Variants in DBX1 observed in about 807,000 individuals in gnomAD.
DBX1 encodes homeobox protein DBX1.
In DBX1, 10 loss-of-function variants were observed where a neutral mutation model predicts 20.8. The observed-to-expected ratio is 0.48, with a 90% confidence interval of 0.30 to 0.82. DBX1 has a LOEUF of 0.82. Among genes scored for constraint, DBX1 ranks in the 40% least tolerant of loss-of-function variants. The pLI is 0.07. For synonymous variants in DBX1, 241 were observed against 213.9 expected (o/e 1.13, Z -1.11); for missense variants, 505 against 468.8 (o/e 1.08, Z -0.71).
At chr11:20,158,774 G>C (rs998009000) in intron 2 of DBX1, among the ~76,000 whole-genome samples, 2 of 152,080 alleles carry the variant, frequency 1.3e-5, no homozygotes, top group African/African-American at 2.4e-5. Flanking sequence ...TCTCGGCGGC[G>C]TGGAGGGACT....
rs749372222 is a variant in DBX1 at position 20,160,294 on chromosome 11, C to G, written c.31G>C (p.Ala11Pro). Residue 11 changes from alanine (A) to proline (P), a missense_variant, in exon 1 of 4, where the codon GCC becomes CCC. Transcript: ENST00000524983. MMFPGLLAPP[A>P]GYPSLLRPTP... Reference sequence around the variant, plus strand: ...GGCCGCAGGAGGCTAGGGTACCCGGCGGGGGGCGCGAGGAGGCCGGGGAAC... The same window carrying G: ...GGCCGCAGGAGGCTAGGGTACCCGGGGGGGGGCGCGAGGAGGCCGGGGAAC... 1 of 1,527,094 alleles carries G rather than the reference C, an allele frequency of 6.5e-7. No homozygotes were observed. The highest frequency in any genetic ancestry group is 8.8e-7 in the Non-Finnish European group (1 of 1,138,938). The allele number at this position is 1,527,094 out of a possible 1,614,324, so 94.6% of individuals were successfully genotyped here.
chr11:20,160,131 G>A lies in DBX1; in HGVS notation c.194C>T (p.Pro65Leu). ...PRSVPTASMSPPRQGAPTALT... is the reference protein window; with the variant it reads ...PRSVPTASMSLPRQGAPTALT... ...GGCCGTGGGGGCCCCCTGCCTGGGC[G>A]GCGACATGCTGGCGGTGGGCACGCT... is the stretch of plus-strand genomic sequence containing the variant. Residue 65 changes from proline to leucine, a missense_variant, in exon 1 of 4, where the codon CCG becomes CTG. Transcript: ENST00000524983. The A allele has an allele frequency of 6.5e-7, 1 of 1,548,714 alleles. No individual in the cohort carries two copies. Among genetic ancestry groups the A allele is most frequent in the Non-Finnish European group, 8.7e-7 (1 of 1,145,608 alleles).
At chr11:20,159,898 A>T in intron 1 of DBX1, 60 bp downstream of exon 1, 1 of 1,612,074 alleles carries the variant, frequency 6.2e-7, no homozygotes, top group Non-Finnish European at 8.5e-7. Flanking sequence ...AACTGAGGCC[A>T]GGATGACTCC....
rs766737802 is a variant in DBX1 at position 20,160,232 on chromosome 11, C to A, written c.93G>T (p.Ser31=). 6.5e-7 allele frequency: 1 copy of A among 1,546,000 alleles called. No homozygotes were observed. Among genetic ancestry groups the A allele is most frequent in the Non-Finnish European group, 8.7e-7 (1 of 1,146,570 alleles). The part of the protein sequence containing the change: ...PTLTLPQSLQ[S]AFSGHSSFLV... ...GGAAGCTGGAGTGGCCGGAAAATGCCGACTGCAAGGACTGGGGCAGCGTCA... is the reference window on the plus strand; with the variant it reads ...GGAAGCTGGAGTGGCCGGAAAATGCAGACTGCAAGGACTGGGGCAGCGTCA... The change falls in exon 1 of 4, where the codon TCG becomes TCT. Residue 31 remains serine, a synonymous_variant. Transcript: ENST00000524983.
chr11:20,157,246 G>A lies in DBX1; in HGVS notation c.470-7C>T, dbSNP rs1319070661. ...GGCACCACGCTGGAGGAAGCTGCAG[G>A]GTGGGGGGAGGTGGCGAGTGAGTGG... On this transcript the variant is annotated splice_polypyrimidine_tract_variant and splice_region_variant and intron_variant, in intron 2 of 3. Transcript: ENST00000524983. 6.4e-7 allele frequency: 1 copy of A among 1,550,914 alleles called. No homozygotes were observed. The highest frequency in any genetic ancestry group is 8.7e-7 in the Non-Finnish European group (1 of 1,151,354).
Position 20,160,330 on chromosome 11 carries a change from G to A in DBX1, c.-6C>T, listed in dbSNP as rs79411094. 32,719 of 1,496,052 alleles carry A rather than the reference G, an allele frequency of 0.022. 539 individuals carry two copies. Among genetic ancestry groups the A allele is most frequent in the Admixed American group, 0.081 (3,780 of 46,918 alleles). 92.7% of individuals were successfully genotyped at this position (1,496,052 alleles called of 1,614,324 possible). ...AGGAGGCCGGGGAACATCATGGTAG[G>A]CGCGGGCGGGCGAAATAACCCTTCT... On this transcript the variant is annotated 5_prime_UTR_variant, in exon 1 of 4. Coordinates refer to ENST00000524983, the MANE Select transcript of DBX1 (RefSeq NM_001029865.4).
chr11:20,157,252 G>A lies in DBX1; in HGVS notation c.470-13C>T. On this transcript the variant is annotated splice_polypyrimidine_tract_variant and intron_variant, in intron 2 of 3. Transcript: ENST00000524983. ...ACGCTGGAGGAAGCTGCAGGGTGGG[G>A]GGAGGTGGCGAGTGAGTGGGCGTAC... The A allele has an allele frequency of 6.5e-7, 1 of 1,549,138 alleles. No individual in the cohort carries two copies. Among genetic ancestry groups the A allele is most frequent in the Non-Finnish European group, 8.7e-7 (1 of 1,150,582 alleles).
In DBX1 at chr11:20,156,197, T is replaced by A; in HGVS notation, c.*17A>T. On this transcript the variant is annotated 3_prime_UTR_variant, in exon 4 of 4. Transcript: ENST00000524983. This position sits in a 1 kb window ranked among gnomAD's most constrained non-coding sequence, Gnocchi z 4.8. ...TTCAAAGCACTTAAAAATAGTACTC[T>A]GGCGTGCGAGCGGCTTCTAGGACAC... The A allele has an allele frequency of 6.6e-7, 1 of 1,516,024 alleles. No homozygotes were observed. 93.9% of individuals were successfully genotyped at this position (1,516,024 alleles called of 1,614,324 possible).
At position 20,156,602 on chromosome 11, in the gene DBX1, G is replaced by A. The variant is rs780453104; in HGVS notation, c.673-29C>T. The A allele has an allele frequency of 1.2e-6, 2 of 1,613,876 alleles. No homozygotes were observed. The highest frequency in any genetic ancestry group is 2.2e-5 in the East Asian group (1 of 44,876). ...GAATGTCCCGGCCGGCGAGAAGAAG[G>A]GAGAAGCAGAGGTCAGATCAGGGGC... On this transcript the variant is annotated intron_variant, in intron 3 of 3. Transcript: ENST00000524983. This position sits in a 1 kb window ranked among gnomAD's most constrained non-coding sequence, Gnocchi z 4.8.
Position 20,159,252 on chromosome 11 carries a change from G to A in DBX1, c.408C>T (p.Thr136=). The change falls in exon 2 of 4, where the codon ACC becomes ACT. Residue 136 remains threonine (T), a synonymous_variant. Coordinates refer to ENST00000524983, the MANE Select transcript of DBX1 (RefSeq NM_001029865.4). ...PALLQSVPPK[T]FAFPYFEGSF... ...ACCCTTCGAAGTAGGGAAAGGCGAA[G>A]GTCTTGGGAGGGACGCTCTGGAGCA... The A allele has an allele frequency of 6.2e-7, 1 of 1,613,858 alleles. No individual in the cohort carries two copies. The highest frequency in any genetic ancestry group is 8.5e-7 in the Non-Finnish European group (1 of 1,179,934).
At chr11:20,159,770 G>C (rs542595265) in intron 1 of DBX1, among the ~76,000 whole-genome samples, 188 bp downstream of exon 1, 2 of 152,328 alleles carry the variant, frequency 1.3e-5, no homozygotes, top group East Asian at 3.9e-4. Flanking sequence ...GGCGAGCCTG[G>C]AGGCTTTTCT....
chr11:20,157,279 C>T (rs2063665024), intron 2 of DBX1, 40 bp from the exon 3 acceptor site: 1 of 1,505,788 alleles, frequency 6.6e-7, no homozygotes, highest in Non-Finnish European at 8.9e-7. Flanking sequence ...TGGGCGTACG[C>T]CCCCCAGTCC....
Position 20,156,294 on chromosome 11 carries a change from T to A in DBX1, c.952A>T (p.Ser318Cys), listed in dbSNP as rs1205351554. 5.8e-6 allele frequency: 9 copies of A among 1,543,500 alleles called. No homozygotes were observed. The highest frequency in any genetic ancestry group is 7.8e-6 in the Non-Finnish European group (9 of 1,146,694). The change falls in exon 4 of 4, where the codon AGT becomes TGT. Residue 318 changes from serine to cysteine, a missense_variant. Ser to Cys is a moderately radical substitution (Grantham distance 112). Transcript: ENST00000524983. The surrounding 1 kb of genome is among the most constrained non-coding windows in gnomAD (Gnocchi z 4.8). ...GAGAAGTCCGAAGGTTTCCCGGGAC[T>A]GCTCGAGTGCGCGGGCGAGGGGGGC... ...PLPPSPAHSS[S>C]PGKPSDFSDS...
At position 20,156,416 on chromosome 11, in the gene DBX1, T is replaced by C; in HGVS notation, c.830A>G (p.Glu277Gly). 1.2e-6 allele frequency: 2 copies of C among 1,604,236 alleles called. No individual in the cohort carries two copies. Among genetic ancestry groups the C allele is most frequent in the Non-Finnish European group, 1.7e-6 (2 of 1,175,120 alleles). The change falls in exon 4 of 4, where the codon GAG (glutamate) becomes GGG (glycine). Residue 277 changes from glutamate (E) to glycine (G), a missense_variant. Coordinates refer to ENST00000524983, the MANE Select transcript of DBX1 (RefSeq NM_001029865.4). The surrounding 1 kb of genome is among the most constrained non-coding windows in gnomAD (Gnocchi z 4.8). ...DVGQKGPGNE[E>G]EEEGPGSPSH... The stretch of plus-strand genomic sequence containing the variant: ...GGGGCTGCCCGGGCCCTCCTCCTCC[T>C]CTTCGTTCCCAGGGCCCTTCTGGCC...
rs554881006 is a variant in DBX1, at chr11:20,160,365, C to G, written c.-41G>C. On this transcript the variant is annotated 5_prime_UTR_variant, in exon 1 of 4. Coordinates refer to ENST00000524983, the MANE Select transcript of DBX1 (RefSeq NM_001029865.4). Reference sequence around the variant, plus strand: ...GCGAAATAACCCTTCTTTCAGTGGCCGGAGGGTAAACGCCTCGCTTCCCGC... The same window carrying G: ...GCGAAATAACCCTTCTTTCAGTGGCGGGAGGGTAAACGCCTCGCTTCCCGC... The G allele has an allele frequency of 1.4e-6, 2 of 1,466,716 alleles. No individual in the cohort carries two copies. The highest frequency in any genetic ancestry group is 1.4e-5 in the African/African-American group (1 of 70,694). 90.9% of individuals were successfully genotyped at this position (1,466,716 alleles called of 1,614,324 possible).
chr11:20,156,312 AG>A lies in DBX1; in HGVS notation c.933del (p.Ser312ArgfsTer?). On this transcript the variant is annotated frameshift_variant, in exon 4 of 4. Transcript: ENST00000524983. LOFTEE classifies it high-confidence loss of function. This position sits in a 1 kb window ranked among gnomAD's most constrained non-coding sequence, Gnocchi z 4.8. ...CCGGGACTGCTCGAGTGCGCGGGCG[AG>A]GGGGGCAGCGGCCCTGGCAGCCGCG... ...RDPRLPGPLP[P>X]SPAHSSSPGK... 4 of 1,564,490 alleles carry A rather than the reference AG, an allele frequency of 2.6e-6. No individual in the cohort carries two copies. Among genetic ancestry groups the A allele is most frequent in the Middle Eastern group, 1.7e-4 (1 of 5,754 alleles).
At position 20,157,385 on chromosome 11, in the gene DBX1, C is replaced by T. The variant is rs1231239051; in HGVS notation, c.470-146G>A. On this transcript the variant is annotated intron_variant, in intron 2 of 3. Coordinates refer to ENST00000524983, the MANE Select transcript of DBX1 (RefSeq NM_001029865.4). ...GAGAATAGGCCACGAACCTACAAAC[C>T]TGCGAGAGTGAAAGGCGCTTTCCGC... The T allele has an allele frequency of 1.5e-5, 11 of 752,748 alleles. No individual in the cohort carries two copies. The East Asian group carries it at 3.0e-4, about 21-fold the overall frequency. 46.6% of individuals were successfully genotyped at this position (752,748 alleles called of 1,614,324 possible). A position where few individuals can be genotyped will look rare whatever the true frequency, so the allele number is the denominator to read the frequency against.
rs1389347683 is a variant in DBX1, at chr11:20,157,222, G to T, written c.487C>A (p.Pro163Thr). 6.3e-7 allele frequency: 1 copy of T among 1,577,830 alleles called. No individual in the cohort carries two copies. ...SYFPASSSVV[P>T]IPGTFSWPLA... The stretch of plus-strand genomic sequence containing the variant: ...GGCCAGGAGAAGGTCCCGGGGATGG[G>T]CACCACGCTGGAGGAAGCTGCAGGG... The change falls in exon 3 of 4, where the codon CCC becomes ACC. Residue 163 changes from proline (P) to threonine (T), a missense_variant. Coordinates refer to ENST00000524983, the MANE Select transcript of DBX1 (RefSeq NM_001029865.4).
intron 2 of DBX1, among the ~76,000 whole-genome samples, chr11:20,158,004 C>CA (rs1214494108): frequency 1.3e-5 from 2 of 152,098 alleles, no homozygotes; most frequent in African/African-American, 2.4e-5. Context: ...ATTACTGGGA[C>CA]AAAAGAGATT....
Sources: allele counts gnomAD v4.1 joint callset (sites outside exome capture counted in the v4.1 genomes callset), GRCh38; gene constraint gnomAD v4.1.1; non-coding constraint Gnocchi (gnomAD v3.1); transcripts MANE v1.5; gene names NCBI Gene and HGNC (gene_info 2026-07-23, HGNC 2026-07-21).